The following POR variants were observed in gnomAD, a reference collection of about 807,000 sequenced individuals.
POR encodes cytochrome p450 oxidoreductase.
POR carries 56 observed loss-of-function variants against 84.0 expected under a neutral mutation model. That is an observed-to-expected ratio of 0.67 (90% CI 0.54 to 0.83). POR has a LOEUF of 0.83. POR is among the 40% of genes least tolerant of loss of function. The pLI is 0.00. For synonymous variants in POR, 414 were observed against 400.5 expected (o/e 1.03, Z -0.40); for missense variants, 938 against 944.3 (o/e 0.99, Z 0.09).
At chr7:75,954,877 T>G (rs1001432404) in intron 2 of POR, among the ~76,000 whole-genome samples, 7 of 152,078 alleles carry the variant, frequency 4.6e-5, no homozygotes, top group African/African-American at 1.7e-4. Context: ...CTGGCTATTT[T>G]TTGTATTTTT....
At position 75,967,603 on chromosome 7, in the gene POR, T is replaced by G. The variant is rs41296503; in HGVS notation, c.189-4810T>G. Among the ~76,000 whole-genome samples the G allele has an allele frequency of 9.6e-3, 1,462 of 152,116 alleles. 25 individuals carry two copies. The highest frequency in any genetic ancestry group is 0.033 in the African/African-American group (1,388 of 41,470). ...CTGCCATAGCAACCTGCAGGCTGTC[T>G]TCTAGAGCCTAGAAGAGCTTTGTTC... is the stretch of plus-strand genomic sequence containing the variant. On this transcript the variant is annotated intron_variant, in intron 2 of 15. Coordinates refer to ENST00000461988, the MANE Select transcript of POR (RefSeq NM_000941.3).
chr7:75,923,659 G>A (rs534029128), intron 1 of POR, among the ~76,000 whole-genome samples: 104 of 152,148 alleles, frequency 6.8e-4, no homozygotes, highest in African/African-American at 2.4e-3. Flanking sequence ...AGGCTGAGGC[G>A]GGCAGATCAC....
At chr7:75,975,639 A>AATG (rs1324064641) in intron 3 of POR, among the ~76,000 whole-genome samples, 1 of 152,070 alleles carries the variant, frequency 6.6e-6, no homozygotes, top group Admixed American at 6.6e-5. Flanking sequence ...TAATAATAAT[A>AATG]ATAGCTGGGT....
At chr7:75,955,575 C>T (rs1371378570) in intron 2 of POR, among the ~76,000 whole-genome samples, 2 of 152,238 alleles carry the variant, frequency 1.3e-5, no homozygotes, top group Non-Finnish European at 2.9e-5. Context: ...ACTCCAGGGG[C>T]ACGGGCCTGC....
intron 2 of POR, among the ~76,000 whole-genome samples, chr7:75,955,898 A>G (rs1275228660): frequency 6.6e-6 from 1 of 152,200 alleles, no homozygotes; most frequent in East Asian, 1.9e-4. Flanking sequence ...CAATCTGGGT[A>G]TCAGCCTTCC....
intron 1 of POR, among the ~76,000 whole-genome samples, chr7:75,953,219 T>G (rs1787530192): frequency 6.8e-6 from 1 of 147,638 alleles, no homozygotes; most frequent in Non-Finnish European, 1.5e-5. Context: ...CTCGGCAGGC[T>G]GAGGCAGGAG....
intron 1 of POR, among the ~76,000 whole-genome samples, chr7:75,942,665 T>G (rs1786979743): frequency 6.6e-6 from 1 of 151,876 alleles, no homozygotes; most frequent in African/African-American, 2.4e-5. Flanking sequence ...TTGTTTTTTT[T>G]GAGCTCAAGG....
chr7:75,952,368 G>C (rs1308338536), intron 1 of POR, among the ~76,000 whole-genome samples: 9 of 138,102 alleles, frequency 6.5e-5, no homozygotes, highest in Non-Finnish European at 4.7e-5. Flanking sequence ...CGGCTGGGCA[G>C]AGGCGCCCCT....
intron 9 of POR, 23 bp from the exon 10 acceptor site, chr7:75,983,715 C>T (rs1554558515): frequency 6.2e-7 from 1 of 1,610,526 alleles, no homozygotes; most frequent in Non-Finnish European, 8.5e-7. Flanking sequence ...TCCGCCCCTC[C>T]CGAGCCTCAC....
In POR at chr7:75,953,983, T is replaced by C; in HGVS notation, c.-4-6T>C. On this transcript the variant is annotated splice_region_variant and splice_polypyrimidine_tract_variant and intron_variant, in intron 1 of 15. Transcript: ENST00000461988. ...GCTGACATCTGCTGTTTCTGTCTCC[T>C]AACAGTTTCATGATCAACATGGGAG... 1 of 1,573,648 alleles carries C rather than the reference T, an allele frequency of 6.4e-7. No individual in the cohort carries two copies. Among genetic ancestry groups the C allele is most frequent in the Non-Finnish European group, 8.6e-7 (1 of 1,158,116 alleles).
intron 1 of POR, among the ~76,000 whole-genome samples, chr7:75,917,902 G>A (rs1281316710): frequency 6.6e-6 from 1 of 152,156 alleles, no homozygotes; most frequent in Non-Finnish European, 1.5e-5. Context: ...AGTGGCTCAC[G>A]CCTGTAATTC....
chr7:75,969,808 C>A (rs1283067251), intron 2 of POR, among the ~76,000 whole-genome samples: 1 of 152,192 alleles, frequency 6.6e-6, no homozygotes, highest in Non-Finnish European at 1.5e-5. Context: ...CGTCCTGTGC[C>A]GTGTGCTAGG....
In POR at chr7:75,986,164, C is replaced by A; in HGVS notation, c.1821C>A (p.Tyr607Ter). 6.2e-7 allele frequency: 1 copy of A among 1,610,620 alleles called. No homozygotes were observed. The highest frequency in any genetic ancestry group is 8.5e-7 in the Non-Finnish European group (1 of 1,178,856). ...AGCACCACCCTTGGCCCCAGGTCTACGTCCAGCACCTGCTAAAGCAAGACC... is the reference window on the plus strand; with the variant it reads ...AGCACCACCCTTGGCCCCAGGTCTAAGTCCAGCACCTGCTAAAGCAAGACC... The change falls in exon 15 of 16, where the codon TAC becomes TAA. Residue 607 changes from tyrosine (Y) to a stop codon, truncating the protein, a stop_gained. Transcript: ENST00000461988. LOFTEE classifies it high-confidence loss of function.
intron 1 of POR, among the ~76,000 whole-genome samples, chr7:75,926,719 G>C (rs188781826): frequency 6.6e-6 from 1 of 152,062 alleles, no homozygotes; most frequent in Non-Finnish European, 1.5e-5. Flanking sequence ...GCTTGAACCC[G>C]GGGGGCAGAG....
chr7:75,958,867 G>A (rs958143818), intron 2 of POR, among the ~76,000 whole-genome samples: 5 of 151,940 alleles, frequency 3.3e-5, no homozygotes, highest in Admixed American at 2.6e-4. Context: ...TTAATTTACC[G>A]ACAAGGAGAG....
intron 2 of POR, among the ~76,000 whole-genome samples, chr7:75,956,288 G>A (rs782416012): frequency 3.9e-5 from 6 of 152,182 alleles, no homozygotes; most frequent in Admixed American, 1.3e-4. Context: ...GACAGAGTCC[G>A]TCTCAAAAAC....
intron 1 of POR, among the ~76,000 whole-genome samples, chr7:75,918,440 C>T (rs1284389400): frequency 2.0e-5 from 3 of 152,114 alleles, no homozygotes; most frequent in African/African-American, 7.2e-5. Context: ...TTGCATAGGC[C>T]GCTGACCTAT....
At chr7:75,964,455 C>A (rs190405492) in intron 2 of POR, among the ~76,000 whole-genome samples, 18 of 152,234 alleles carry the variant, frequency 1.2e-4, no homozygotes, top group South Asian at 8.3e-4. Context: ...TTACAGGCGC[C>A]TGCCACCACA....
rs551027724 is a variant in POR at position 75,947,888 on chromosome 7, G to A, written c.-4-6101G>A. Among the ~76,000 whole-genome samples, 323 of 152,156 alleles carry A rather than the reference G, an allele frequency of 2.1e-3. 1 individual carries two copies. Among genetic ancestry groups the A allele is most frequent in the Admixed American group, 6.4e-3 (98 of 15,274 alleles). ...GGTGGGGCTGGAGAGATGGGTGTGT[G>A]TCTGTGTGCGCGTCAAGGGGAAAAC... On this transcript the variant is annotated intron_variant, in intron 1 of 15. Transcript: ENST00000461988.
Sources: allele counts gnomAD v4.1 joint callset (sites outside exome capture counted in the v4.1 genomes callset), GRCh38; gene constraint gnomAD v4.1.1; transcripts MANE v1.5; gene names NCBI Gene and HGNC (gene_info 2026-07-23, HGNC 2026-07-21).